Variants in ATF6B observed in about 807,000 individuals in gnomAD.
ATF6B encodes the protein cyclic AMP-dependent transcription factor ATF-6 beta.
A neutral mutation model predicts 83.5 loss-of-function variants in ATF6B; 50 were observed. The observed-to-expected ratio is 0.60, with a 90% CI of 0.48 to 0.76. The LOEUF (loss-of-function observed/expected upper bound fraction) is 0.76, where lower values mean the gene tolerates loss of function less well. Ranked by LOEUF, ATF6B falls within the 30% of genes least tolerant of loss-of-function variation. ATF6B has a pLI of 0.00. For missense variants in ATF6B, 790 were observed against 893.8 expected (o/e 0.88, Z 1.48); for synonymous variants, 344 against 362.8 (o/e 0.95, Z 0.59).
Position 32,117,152 on chromosome 6 carries a change from A to C in ATF6B, c.1615-45T>G. 1 of 1,599,380 alleles carries C rather than the reference A, an allele frequency of 6.3e-7. No homozygotes were observed. The highest frequency in any genetic ancestry group is 8.6e-7 in the Non-Finnish European group (1 of 1,167,388). On this transcript the variant is annotated intron_variant, in intron 14 of 17. Transcript: ENST00000375203. The surrounding 1 kb of genome is among the most constrained non-coding windows in gnomAD (Gnocchi z 5.0). ...AGGACTTGGAGAGGGTGAAGGGAAA[A>C]GGGAAAGAGACAAACAGCCCCTGGA...
rs1036775430 is a variant in ATF6B at position 32,126,064 on chromosome 6, T to C, written c.478+53A>G. Reference sequence around the variant, plus strand: ...ATCTACACACATACACACACACACATAACACATTCTCCCGTAGTAGAGCCA... The same window carrying C: ...ATCTACACACATACACACACACACACAACACATTCTCCCGTAGTAGAGCCA... On this transcript the variant is annotated intron_variant, in intron 5 of 17. Coordinates refer to ENST00000375203, the MANE Select transcript of ATF6B (RefSeq NM_004381.5). 11 of 1,607,316 alleles carry C rather than the reference T, an allele frequency of 6.8e-6. No individual in the cohort carries two copies. In the African/African-American group the frequency reaches 1.2e-4, roughly 18 times the overall value.
chr6:32,117,935 C>T lies in ATF6B; in HGVS notation c.1348G>A (p.Gly450Arg). Reference sequence around the variant, plus strand: ...GAGGACCCCTGGAGAGGTTCAACTCCCTGAACTGGCTCTTGCTCTGAGAAC... The same window carrying T: ...GAGGACCCCTGGAGAGGTTCAACTCTCTGAACTGGCTCTTGCTCTGAGAAC... The part of the protein sequence containing the change: ...LGFSEQEPVQ[G>R]VEPLQGSSQG... Residue 450 changes from glycine to arginine, a missense_variant, in exon 12 of 18, where the codon GGA (glycine) becomes AGA (arginine). Coordinates refer to ENST00000375203, the MANE Select transcript of ATF6B (RefSeq NM_004381.5). This position sits in a 1 kb window ranked among gnomAD's most constrained non-coding sequence, Gnocchi z 5.0. 1 of 1,611,448 alleles carries T rather than the reference C, an allele frequency of 6.2e-7. No homozygotes were observed. Among genetic ancestry groups the T allele is most frequent in the Non-Finnish European group, 8.5e-7 (1 of 1,178,716 alleles).
intron 2 of ATF6B, 40 bp downstream of exon 2, chr6:32,127,631 C>A: frequency 6.2e-7 from 1 of 1,613,532 alleles, no homozygotes. Flanking sequence ...GGCTCACTTT[C>A]CACCCACCAA....
In ATF6B at chr6:32,125,282, G is replaced by A. The variant is rs1245555070; in HGVS notation, c.478+835C>T. Among the ~76,000 whole-genome samples, 1 of 152,188 alleles carries A rather than the reference G, an allele frequency of 6.6e-6. No homozygotes were observed. The highest frequency in any genetic ancestry group is 1.5e-5 in the Non-Finnish European group (1 of 68,048). On this transcript the variant is annotated intron_variant, in intron 5 of 17. Transcript: ENST00000375203. The surrounding 1 kb of genome is among the most constrained non-coding windows in gnomAD (Gnocchi z 4.1). ...AGCATGCTGCTCAGTATCTGGCATG[G>A]AGTAGGTGCTTAATAAATATTTCTT...
intron 1 of ATF6B, 95 bp downstream of exon 1, chr6:32,128,022 C>G: frequency 6.9e-7 from 1 of 1,451,534 alleles, no homozygotes; most frequent in Non-Finnish European, 9.6e-7. Context: ...TGGCGGATTC[C>G]GTATTTGCCC....
At chr6:32,123,098 C>T (rs1430435867) in intron 5 of ATF6B, among the ~76,000 whole-genome samples, 2 of 151,510 alleles carry the variant, frequency 1.3e-5, no homozygotes, top group Admixed American at 6.6e-5. Flanking sequence ...CATGGTGGCA[C>T]GTGCCTGTAG....
chr6:32,117,036 C>G lies in ATF6B; in HGVS notation c.1685+1G>C, dbSNP rs1430804473. On this transcript the variant is annotated splice_donor_variant, in intron 15 of 17. Coordinates refer to ENST00000375203, the MANE Select transcript of ATF6B (RefSeq NM_004381.5). LOFTEE classifies it high-confidence loss of function. The surrounding 1 kb of genome is among the most constrained non-coding windows in gnomAD (Gnocchi z 5.0). ...AAGTAAGCACCCCACCCCACACTCA[C>G]CTTTCTGGGGGTCCAGGGGGTTGGA... 1 of 1,613,798 alleles carries G rather than the reference C, an allele frequency of 6.2e-7. No individual in the cohort carries two copies. Among genetic ancestry groups the G allele is most frequent in the African/African-American group, 1.3e-5 (1 of 74,882 alleles).
intron 3 of ATF6B, 82 bp from the exon 4 acceptor site, chr6:32,127,276 A>G: frequency 7.1e-7 from 1 of 1,410,550 alleles, no homozygotes; most frequent in South Asian, 1.3e-5. Flanking sequence ...GTCGGTGGGG[A>G]TTCCTGTACC....
In ATF6B at chr6:32,128,190, C is replaced by A. The variant is rs1265876995; in HGVS notation, c.18G>T (p.Leu6=). ...GCGTCGGGTCAGCAATCTCGCTGAG[C>A]AGCATCAGCTCCGCCATCTTTCCCC... is the stretch of plus-strand genomic sequence containing the variant. The part of the protein sequence containing the change: MAELM[L]LSEIADPTRF... Residue 6 remains leucine (L), a synonymous_variant, in exon 1 of 18, where the codon CTG becomes CTT. Coordinates refer to ENST00000375203, the MANE Select transcript of ATF6B (RefSeq NM_004381.5). The A allele has an allele frequency of 1.9e-6, 3 of 1,612,316 alleles. No homozygotes were observed.
chr6:32,119,981 G>C lies in ATF6B; in HGVS notation c.833-24C>G. ...CACTGGGGCAAGTGAGCAGAGGTCA[G>C]AGGGCTGTGCGCTGGGTGGGGTCCT... On this transcript the variant is annotated intron_variant, in intron 8 of 17. Transcript: ENST00000375203. The surrounding 1 kb of genome is among the most constrained non-coding windows in gnomAD (Gnocchi z 4.9). 1 of 1,610,502 alleles carries C rather than the reference G, an allele frequency of 6.2e-7. No homozygotes were observed. The highest frequency in any genetic ancestry group is 1.1e-5 in the South Asian group (1 of 90,658).
rs1781926428 is a variant in ATF6B at position 32,125,362 on chromosome 6, C to T, written c.478+755G>A. ...CACATCAATAAACATTTACTAAATA[C>T]ACAGCTACGAGTAAATAAACTTGGG... On this transcript the variant is annotated intron_variant, in intron 5 of 17. Coordinates refer to ENST00000375203, the MANE Select transcript of ATF6B (RefSeq NM_004381.5). The surrounding 1 kb of genome is among the most constrained non-coding windows in gnomAD (Gnocchi z 4.1). 1.3e-5 allele frequency among the ~76,000 whole-genome samples: 2 copies of T among 152,150 alleles called. No homozygotes were observed. The highest frequency in any genetic ancestry group is 4.8e-5 in the African/African-American group (2 of 41,418).
Position 32,118,679 on chromosome 6 carries a change from T to C in ATF6B, c.1244+96A>G. 1.6e-6 allele frequency: 2 copies of C among 1,240,766 alleles called. No individual in the cohort carries two copies. The highest frequency in any genetic ancestry group is 2.3e-6 in the Non-Finnish European group (2 of 855,664). 76.9% of individuals were successfully genotyped at this position (1,240,766 alleles called of 1,614,324 possible). The stretch of plus-strand genomic sequence containing the variant: ...CAAGGACACCAGAACCATTTGTATA[T>C]AAGCAGAAGGAAATGGCCTGGGCCA... On this transcript the variant is annotated intron_variant, in intron 11 of 17. Transcript: ENST00000375203. The surrounding 1 kb of genome is among the most constrained non-coding windows in gnomAD (Gnocchi z 5.2).
At chr6:32,123,253 A>G (rs1412121251) in intron 5 of ATF6B, among the ~76,000 whole-genome samples, 2 of 131,876 alleles carry the variant, frequency 1.5e-5, no homozygotes, top group African/African-American at 2.9e-5. Context: ...AAAAAAAAAA[A>G]GGGAACTATT....
At position 32,119,770 on chromosome 6, in the gene ATF6B, C is replaced by A. The variant is rs1781677796; in HGVS notation, c.966+54G>T. 5.0e-6 allele frequency: 8 copies of A among 1,594,702 alleles called. No homozygotes were observed. The South Asian group carries it at 9.1e-5, about 18-fold the overall frequency. On this transcript the variant is annotated intron_variant, in intron 9 of 17. Transcript: ENST00000375203. The surrounding 1 kb of genome is among the most constrained non-coding windows in gnomAD (Gnocchi z 4.9). ...TCCCACAGTTCTCTCTATGGCAAGA[C>A]TTCCCTCTTCCCTTCCCATCACTCG... is the stretch of plus-strand genomic sequence containing the variant.
rs1781678964 is a variant in ATF6B, at chr6:32,119,801, C to T, written c.966+23G>A. The T allele has an allele frequency of 6.2e-7, 1 of 1,612,464 alleles. No individual in the cohort carries two copies. Among genetic ancestry groups the T allele is most frequent in the South Asian group, 1.1e-5 (1 of 90,892 alleles). On this transcript the variant is annotated intron_variant, in intron 9 of 17. Transcript: ENST00000375203. The surrounding 1 kb of genome is among the most constrained non-coding windows in gnomAD (Gnocchi z 4.9). Reference sequence around the variant, plus strand: ...TCTTCCCTTCCCATCACTCGCCCTACTTCTCTCCTCCCCAACACTTACATC... The same window carrying T: ...TCTTCCCTTCCCATCACTCGCCCTATTTCTCTCCTCCCCAACACTTACATC...
At chr6:32,127,819 G>A in intron 1 of ATF6B, 69 bp from the exon 2 acceptor site, 5 of 1,521,150 alleles carry the variant, frequency 3.3e-6, no homozygotes, top group South Asian at 2.3e-5. Flanking sequence ...ACAAGCCCCC[G>A]CCCCATCCCT....
rs1308716958 is a variant in ATF6B, at chr6:32,119,063, ACT to A, written c.1043_1044del (p.Glu348ValfsTer15). 1 of 1,613,544 alleles carries A rather than the reference ACT, an allele frequency of 6.2e-7. No homozygotes were observed. The highest frequency in any genetic ancestry group is 8.5e-7 in the Non-Finnish European group (1 of 1,179,950). ...SACQSRRKKK[E>X]YLQGLEARLQ... Reference sequence around the variant, plus strand: ...AGCCGAGCCTCCAGTCCCTGCAGATACTCTTTCTTCTTTCTCCGGGACTGGCA... The same window carrying A: ...AGCCGAGCCTCCAGTCCCTGCAGATACTTTCTTCTTTCTCCGGGACTGGCA... On this transcript the variant is annotated frameshift_variant, in exon 10 of 18. Coordinates refer to ENST00000375203, the MANE Select transcript of ATF6B (RefSeq NM_004381.5). LOFTEE classifies it high-confidence loss of function. The surrounding 1 kb of genome is among the most constrained non-coding windows in gnomAD (Gnocchi z 4.9).
intron 5 of ATF6B, among the ~76,000 whole-genome samples, chr6:32,123,721 C>T (rs1025294628): frequency 1.3e-5 from 2 of 152,092 alleles, no homozygotes; most frequent in Admixed American, 6.6e-5. Context: ...TTTTGTGTAT[C>T]TTTTTTATAA....
At position 32,116,739 on chromosome 6, in the gene ATF6B, G is replaced by A. The variant is rs559716525; in HGVS notation, c.1762C>T (p.Arg588Trp). ...QPAFLDAIDRREDTFYVVSFR... is the reference protein window; with the variant it reads ...QPAFLDAIDRWEDTFYVVSFR... ...GAGACAACATAAAATGTGTCTTCCC[G>A]TCGGTCAATTGCATCCAAGAATGCT... Residue 588 changes from arginine to tryptophan, a missense_variant, in exon 16 of 18, where the codon CGG (arginine) becomes TGG (tryptophan). This residue lies in a region of ATF6B where 530 missense variants were observed against 632.6 expected (regional missense o/e 0.84). Transcript: ENST00000375203. This position sits in a 1 kb window ranked among gnomAD's most constrained non-coding sequence, Gnocchi z 5.1. 4.3e-6 allele frequency: 7 copies of A among 1,614,142 alleles called. No individual in the cohort carries two copies. The highest frequency in any genetic ancestry group is 2.2e-5 in the East Asian group (1 of 44,888).
Sources: gnomAD v4.1 joint callset for allele counts (sites outside exome capture counted in the v4.1 genomes callset) on GRCh38, gnomAD v4.1.1 for gene constraint, gnomAD v4.1.1 regional missense constraint, Gnocchi (gnomAD v3.1) non-coding constraint, MANE v1.5 for transcripts, NCBI Gene and HGNC (gene_info 2026-07-23, HGNC 2026-07-21) for gene names.